NTM: variants seen among roughly 807,000 people sequenced by gnomAD.
NTM encodes the protein neurotrimin.
NTM carries 13 observed loss-of-function variants against 42.1 expected under a neutral mutation model. The observed-to-expected ratio is 0.31, with a 90% CI of 0.20 to 0.49. The LOEUF (loss-of-function observed/expected upper bound fraction) is 0.49. Ranked by LOEUF, NTM falls within the 20% of genes least tolerant of loss-of-function variation. NTM has a pLI of 0.99. For missense variants in NTM, 373 were observed against 452.8 expected, an observed-to-expected ratio of 0.82 and a Z score of 1.60; for synonymous variants, 187 against 179.2, an observed-to-expected ratio of 1.04 and a Z score of -0.35.
intron 1 of NTM, among the ~76,000 whole-genome samples, chr11:131,390,791 C>T (rs897118356): frequency 6.6e-6 from 1 of 152,168 alleles, no homozygotes; most frequent in Non-Finnish European, 1.5e-5. Flanking sequence ...GCCCCACCCC[C>T]AGAGAGCCCT....
intron 1 of NTM, among the ~76,000 whole-genome samples, chr11:131,591,356 C>T (rs1160338360): frequency 6.6e-6 from 1 of 152,216 alleles, no homozygotes. Flanking sequence ...AGAGGCCCTG[C>T]TGGGGAGGGA....
intron 1 of NTM, among the ~76,000 whole-genome samples, chr11:131,691,520 G>C (rs1440218906): frequency 6.6e-6 from 1 of 151,784 alleles, no homozygotes; most frequent in Non-Finnish European, 1.5e-5. Flanking sequence ...CCAAGGCGAT[G>C]TCGTCGCCTG....
At chr11:132,210,372 A>G (rs761049970) in intron 3 of NTM, among the ~76,000 whole-genome samples, 2 of 152,226 alleles carry the variant, frequency 1.3e-5, no homozygotes, top group Non-Finnish European at 2.9e-5. Context: ...CACGTTGCAC[A>G]CAGGTTGGGA....
At chr11:131,515,199 G>A (rs2048742946) in intron 1 of NTM, among the ~76,000 whole-genome samples, 2 of 152,306 alleles carry the variant, frequency 1.3e-5, no homozygotes, top group South Asian at 4.1e-4. Flanking sequence ...ATAGGCATGA[G>A]CCACTGCACA....
chr11:131,880,233 C>G (rs1157496925), intron 1 of NTM, among the ~76,000 whole-genome samples: 5 of 152,108 alleles, frequency 3.3e-5, no homozygotes, highest in Admixed American at 2.0e-4. Context: ...CTTTTTTGAA[C>G]CACTGCTGAA....
intron 2 of NTM, among the ~76,000 whole-genome samples, chr11:132,054,661 C>T (rs1006708278): frequency 6.6e-6 from 1 of 152,128 alleles, no homozygotes; most frequent in African/African-American, 2.4e-5. Context: ...ATATAGAATA[C>T]AGTCAATCTA....
intron 1 of NTM, among the ~76,000 whole-genome samples, chr11:131,572,396 A>G (rs773573609): frequency 2.0e-5 from 3 of 152,190 alleles, no homozygotes; most frequent in Non-Finnish European, 4.4e-5. Context: ...CTCCAGAATT[A>G]AAAGAACCAA....
At chr11:131,727,568 A>C (rs1308605998) in intron 1 of NTM, among the ~76,000 whole-genome samples, 2 of 152,174 alleles carry the variant, frequency 1.3e-5, no homozygotes, top group Non-Finnish European at 1.5e-5. Flanking sequence ...CTAAGTAAGA[A>C]AAAACCCATT....
chr11:132,018,876 G>C (rs185144915), intron 2 of NTM, among the ~76,000 whole-genome samples: 311 of 151,996 alleles, frequency 2.0e-3, no homozygotes, highest in African/African-American at 7.1e-3. Context: ...ATTTTTCATT[G>C]CTAATTTAAA....
At chr11:131,409,685 C>T (rs939498138) in intron 1 of NTM, among the ~76,000 whole-genome samples, 7 of 152,160 alleles carry the variant, frequency 4.6e-5, no homozygotes, top group African/African-American at 7.2e-5. Flanking sequence ...CTATAAAAGC[C>T]CCGTTTTCCC....
At chr11:132,046,469 GTTA>G (rs1004195105) in intron 2 of NTM, among the ~76,000 whole-genome samples, 3 of 151,934 alleles carry the variant, frequency 2.0e-5, no homozygotes. Context: ...ACTGCTGTGA[GTTA>G]TTATACTCTC....
chr11:131,988,879 T>C (rs1388413070), intron 2 of NTM, among the ~76,000 whole-genome samples: 5 of 152,212 alleles, frequency 3.3e-5, no homozygotes, highest in African/African-American at 1.2e-4. Flanking sequence ...GTTATATTTC[T>C]TTATTTTAAG....
intron 1 of NTM, among the ~76,000 whole-genome samples, chr11:131,883,084 C>T (rs917059929): frequency 3.9e-5 from 6 of 152,176 alleles, no homozygotes; most frequent in Non-Finnish European, 7.3e-5. Context: ...CTTCTGTGCT[C>T]CGTAGCCTCA....
chr11:131,874,028 A>ATTT (rs1277362507), intron 1 of NTM, among the ~76,000 whole-genome samples: 45 of 60,108 alleles, frequency 7.5e-4, no homozygotes, highest in African/African-American at 1.6e-3. Flanking sequence ...ATAATATAAT[A>ATTT]TAATATATAT....
chr11:131,934,709 A>C (rs1046746644), intron 2 of NTM, among the ~76,000 whole-genome samples: 8 of 152,144 alleles, frequency 5.3e-5, no homozygotes, highest in African/African-American at 1.9e-4. Context: ...CTGAGATGTC[A>C]ATGGAGAGAA....
At chr11:131,489,327 C>A (rs149692083) in intron 1 of NTM, among the ~76,000 whole-genome samples, 1 of 152,298 alleles carries the variant, frequency 6.6e-6, no homozygotes, top group South Asian at 2.1e-4. Flanking sequence ...TCACTTTGAA[C>A]TTCCTTATCC....
chr11:132,122,629 C>T (rs1388095181), intron 2 of NTM, among the ~76,000 whole-genome samples: 1 of 152,164 alleles, frequency 6.6e-6, no homozygotes. Context: ...GACAAATAAG[C>T]AGCAGTGCCA....
At chr11:132,063,456 A>G (rs1384412142) in intron 2 of NTM, among the ~76,000 whole-genome samples, 1 of 152,194 alleles carries the variant, frequency 6.6e-6, no homozygotes, top group Admixed American at 6.5e-5. Flanking sequence ...CCGTCTATTA[A>G]TGAGAGGGTG....
intron 2 of NTM, among the ~76,000 whole-genome samples, chr11:131,942,711 C>G (rs542395119): frequency 6.6e-5 from 10 of 151,928 alleles, no homozygotes; most frequent in African/African-American, 2.4e-4. Flanking sequence ...TTTGGGAGGC[C>G]GAGGTGGATG....
Sources: gnomAD v4.1 joint callset for allele counts (sites outside exome capture counted in the v4.1 genomes callset) on GRCh38, gnomAD v4.1.1 for gene constraint, MANE v1.5 for transcripts, NCBI Gene and HGNC (gene_info 2026-07-23, HGNC 2026-07-21) for gene names.